MYO5C: variants seen among roughly 807,000 people sequenced by gnomAD.
The protein encoded by MYO5C is unconventional myosin-Vc.
MYO5C carries 194 observed loss-of-function variants against 235.7 expected under a neutral mutation model. The ratio of observed to expected loss-of-function variants is 0.82; its 90% CI spans 0.73 to 0.93. The LOEUF is 0.93. MYO5C is among the 40% of genes least tolerant of loss of function. MYO5C has a pLI of 0.00. For synonymous variants in MYO5C, 707 were observed against 754.8 expected (o/e 0.94, Z 1.04); for missense variants, 2,038 against 2,127.2 (o/e 0.96, Z 0.82).
At chr15:52,207,189 G>C (rs981859380) in intron 36 of MYO5C, among the ~76,000 whole-genome samples, 1 of 151,848 alleles carries the variant, frequency 6.6e-6, no homozygotes, top group Admixed American at 6.6e-5. Context: ...AGACAGAGGT[G>C]AAAAGGAACA....
intron 27 of MYO5C, 35 bp downstream of exon 27, chr15:52,225,040 T>A (rs751598196): frequency 1.2e-6 from 2 of 1,613,362 alleles, no homozygotes; most frequent in South Asian, 1.1e-5. Context: ...CATGTTTACA[T>A]GTCTTAAAAT....
intron 38 of MYO5C, among the ~76,000 whole-genome samples, chr15:52,197,283 A>G (rs554955608): frequency 6.6e-6 from 1 of 152,360 alleles, no homozygotes; most frequent in South Asian, 2.1e-4. Flanking sequence ...GGCATTATCC[A>G]TGCAATGGGG....
At chr15:52,272,808 A>T in intron 5 of MYO5C, 85 bp from the exon 6 acceptor site, 1 of 1,378,776 alleles carries the variant, frequency 7.3e-7, no homozygotes, top group East Asian at 2.3e-5. Flanking sequence ...GTAAAAGGCA[A>T]TCCTGTACCC....
At chr15:52,249,782 C>T (rs998791620) in intron 13 of MYO5C, among the ~76,000 whole-genome samples, 1 of 152,206 alleles carries the variant, frequency 6.6e-6, no homozygotes, top group Non-Finnish European at 1.5e-5. Flanking sequence ...GCAGCTGGTG[C>T]CTCTGTTGGG....
chr15:52,289,720 T>C (rs941700452), intron 1 of MYO5C, among the ~76,000 whole-genome samples: 4 of 152,098 alleles, frequency 2.6e-5, no homozygotes, highest in African/African-American at 4.8e-5. Flanking sequence ...CCGTACTTGA[T>C]TGGAATTCCT....
At position 52,194,087 on chromosome 15, in the gene MYO5C, GA is replaced by G. The variant is rs1232290411; in HGVS notation, c.5077-34del. On this transcript the variant is annotated intron_variant, in intron 40 of 40. Transcript: ENST00000261839. Reference sequence around the variant, plus strand: ...TAGAATCAGAGGAAAAATGAGTAAGGAAACTAACATGTTCTGCTTTACTGCT... The same window carrying G: ...TAGAATCAGAGGAAAAATGAGTAAGGAACTAACATGTTCTGCTTTACTGCT... 5.0e-6 allele frequency: 8 copies of G among 1,601,996 alleles called. No individual in the cohort carries two copies. The East Asian group carries it at 9.0e-5, about 18-fold the overall frequency.
intron 32 of MYO5C, among the ~76,000 whole-genome samples, chr15:52,217,293 G>A (rs1019278921): frequency 6.6e-6 from 1 of 152,248 alleles, no homozygotes; most frequent in Non-Finnish European, 1.5e-5. Context: ...GGGGAGCAGA[G>A]CCAGACACTT....
chr15:52,195,859 C>T (rs1382605514), intron 39 of MYO5C, among the ~76,000 whole-genome samples: 1 of 150,878 alleles, frequency 6.6e-6, no homozygotes, highest in East Asian at 2.0e-4. Flanking sequence ...GGTGCAGTGG[C>T]ATGATCATGG....
At chr15:52,266,675 A>T (rs2036818956) in intron 8 of MYO5C, among the ~76,000 whole-genome samples, 1 of 152,232 alleles carries the variant, frequency 6.6e-6, no homozygotes, top group Admixed American at 6.5e-5. Flanking sequence ...CCGAGGTCAC[A>T]CTGGGTAAGG....
At position 52,205,151 on chromosome 15, in the gene MYO5C, C is replaced by T. The variant is rs368962089; in HGVS notation, c.4538-4G>A. The T allele has an allele frequency of 8.6e-5, 138 of 1,611,756 alleles. No homozygotes were observed. The highest frequency in any genetic ancestry group is 1.1e-4 in the Non-Finnish European group (126 of 1,178,998). On this transcript the variant is annotated splice_region_variant and splice_polypyrimidine_tract_variant and intron_variant, in intron 37 of 40. Coordinates refer to ENST00000261839, the MANE Select transcript of MYO5C (RefSeq NM_018728.4). ...TCATACTCCAGCATTCCCGGAACTG[C>T]GGAGAGACAGGGAGGCTGTGCTGAC...
At chr15:52,229,458 C>T in intron 24 of MYO5C, 145 bp from the exon 25 acceptor site, 1 of 699,616 alleles carries the variant, frequency 1.4e-6, no homozygotes, top group Middle Eastern at 4.1e-4. Context: ...ACCCCGTCCC[C>T]ACTAAAAATA....
chr15:52,200,985 A>C (rs1413596066), intron 38 of MYO5C, among the ~76,000 whole-genome samples: 1 of 152,222 alleles, frequency 6.6e-6, no homozygotes, highest in African/African-American at 2.4e-5. Flanking sequence ...AGATTATCCA[A>C]TCTGAACAGC....
At chr15:52,237,837 C>G (rs1211949955) in intron 21 of MYO5C, among the ~76,000 whole-genome samples, 191 bp from the exon 22 acceptor site, 1 of 152,184 alleles carries the variant, frequency 6.6e-6, no homozygotes, top group African/African-American at 2.4e-5. Context: ...GCTGGGTACA[C>G]ATCTTCCCAA....
rs559688908 is a variant in MYO5C, at chr15:52,285,962, G to C, written c.28-3070C>G. Among the ~76,000 whole-genome samples, 192 of 152,054 alleles carry C rather than the reference G, an allele frequency of 1.3e-3. 1 individual carries two copies. Among genetic ancestry groups the C allele is most frequent in the African/African-American group, 4.5e-3 (186 of 41,452 alleles). On this transcript the variant is annotated intron_variant, in intron 1 of 40. Transcript: ENST00000261839. ...TAGGAAGTGAGGAGCGCCTCTTCCC[G>C]GCCGCCATCCCATCTGGGAAGTAAG...
chr15:52,227,676 C>T (rs927005879), intron 25 of MYO5C, among the ~76,000 whole-genome samples: 101 of 152,168 alleles, frequency 6.6e-4, no homozygotes, highest in Non-Finnish European at 3.2e-4. Flanking sequence ...ACATCAGGCT[C>T]ATGTGGCTGC....
At chr15:52,200,249 T>C (rs757245545) in intron 38 of MYO5C, among the ~76,000 whole-genome samples, 1 of 152,118 alleles carries the variant, frequency 6.6e-6, no homozygotes, top group Non-Finnish European at 1.5e-5. Context: ...GATGAAAATA[T>C]TGACATTCTC....
chr15:52,243,773 G>A (rs922669425), intron 19 of MYO5C, among the ~76,000 whole-genome samples: 3 of 152,228 alleles, frequency 2.0e-5, no homozygotes, highest in Non-Finnish European at 2.9e-5. Flanking sequence ...TGGGCTGGCA[G>A]GGTTGTGTGG....
At chr15:52,235,571 T>C in intron 23 of MYO5C, 99 bp downstream of exon 23, 1 of 889,450 alleles carries the variant, frequency 1.1e-6, no homozygotes, top group South Asian at 2.1e-5. Flanking sequence ...AAACTAAGTG[T>C]ACACCAGAGA....
At position 52,195,962 on chromosome 15, in the gene MYO5C, C is replaced by CT. The variant is rs71130140; in HGVS notation, c.4995+346dup. 4.2e-3 allele frequency among the ~76,000 whole-genome samples: 338 copies of CT among 80,942 alleles called. 19 individuals are homozygous for CT. Among genetic ancestry groups the CT allele is most frequent in the African/African-American group, 0.013 (200 of 15,340 alleles). The allele number at this position is 80,942 out of a possible 152,430, so 53.1% of individuals were successfully genotyped here. Reference sequence around the variant, plus strand: ...CAAAGGTGTGTGCCATCACACCCAGCTTTTTTTTTTTTTTTTTTTTTTTTT... The same window carrying CT: ...CAAAGGTGTGTGCCATCACACCCAGCTTTTTTTTTTTTTTTTTTTTTTTTTT... On this transcript the variant is annotated intron_variant, in intron 39 of 40. Transcript: ENST00000261839.
Sources: allele counts gnomAD v4.1 joint callset (sites outside exome capture counted in the v4.1 genomes callset), GRCh38; gene constraint gnomAD v4.1.1; transcripts MANE v1.5; gene names NCBI Gene and HGNC (gene_info 2026-07-23, HGNC 2026-07-21).